The following AEBP1 variants were observed in gnomAD, a reference collection of about 807,000 sequenced individuals.
The protein encoded by AEBP1 is adipocyte enhancer-binding protein 1.
In AEBP1, 69 loss-of-function variants were observed where a neutral mutation model predicts 116.5. That is an observed-to-expected ratio of 0.59 (90% confidence interval 0.49 to 0.72). The LOEUF (loss-of-function observed/expected upper bound fraction) is 0.72, where lower values mean the gene tolerates loss of function less well. AEBP1 is among the 30% of genes least tolerant of loss of function. The pLI, the probability that AEBP1 is intolerant of heterozygous loss-of-function variation, is 0.00. For synonymous variants in AEBP1, 627 were observed against 627.3 expected, an observed-to-expected ratio of 1.00 and a Z score of 0.01; for missense variants, 1,444 against 1,557.5, an observed-to-expected ratio of 0.93 and a Z score of 1.23.
Position 44,107,351 on chromosome 7 carries a change from G to A in AEBP1, c.596-88G>A, listed in dbSNP as rs2096223979. On this transcript the variant is annotated intron_variant, in intron 2 of 20. Transcript: ENST00000223357. This position sits in a 1 kb window ranked among gnomAD's most constrained non-coding sequence, Gnocchi z 4.3. ...GGAGGGTGTCCACAGGCTCTGTGTG[G>A]GCTCTATGGGTGGCTGGTGGCCTGA... The A allele has an allele frequency of 2.3e-6, 3 of 1,332,806 alleles. No individual in the cohort carries two copies. The African/African-American group carries it at 4.3e-5, about 19-fold the overall frequency. 82.6% of individuals were successfully genotyped at this position (1,332,806 alleles called of 1,614,324 possible). A position where few individuals can be genotyped will look rare whatever the true frequency, so the allele number is the denominator to read the frequency against.
chr7:44,112,565 C>G lies in AEBP1; in HGVS notation c.2225C>G (p.Thr742Arg). 2 of 1,583,250 alleles carry G rather than the reference C, an allele frequency of 1.3e-6. No homozygotes were observed. The highest frequency in any genetic ancestry group is 1.7e-6 in the Non-Finnish European group (2 of 1,160,364). ...RYLSPDATVS[T>R]EVRAIIAWME... is the part of the protein sequence containing the mutation. ...ACGTGCTGGCCACTCCAGGTATCCA[C>G]GGAGGTCCGGGCCATCATTGCCTGG... is the stretch of plus-strand genomic sequence containing the variant. Residue 742 changes from threonine (T) to arginine (R), a missense_variant, in exon 18 of 21, where the codon ACG (threonine) becomes AGG (arginine). Physicochemically the swap from Thr to Arg is moderately conservative, Grantham distance 71. Transcript: ENST00000223357. The surrounding 1 kb of genome is among the most constrained non-coding windows in gnomAD (Gnocchi z 6.6).
rs1256560995 is a variant in AEBP1 at position 44,113,933 on chromosome 7, C to T, written c.3149C>T (p.Pro1050Leu). The change falls in exon 21 of 21, where the codon CCT becomes CTT. Residue 1050 changes from proline to leucine, a missense_variant. By Grantham distance (98) the Pro-to-Leu change is moderately conservative. Transcript: ENST00000223357. This position sits in a 1 kb window ranked among gnomAD's most constrained non-coding sequence, Gnocchi z 5.3. ...ATTTLGPHTV[P>L]PTLPPAPATT... ...ACCACCCTAGGCCCCCACACTGTGC[C>T]TCCCACGCTGCCCCCTGCCCCTGCC... The T allele has an allele frequency of 1.9e-6, 3 of 1,613,656 alleles. No individual in the cohort carries two copies. In the South Asian group the frequency reaches 3.3e-5, roughly 18 times the overall value.
Position 44,104,640 on chromosome 7 carries a change from C to T in AEBP1, c.-26C>T, listed in dbSNP as rs1241517625. The T allele has an allele frequency of 2.1e-6, 3 of 1,424,592 alleles. No homozygotes were observed. Among genetic ancestry groups the T allele is most frequent in the Non-Finnish European group, 1.8e-6 (2 of 1,096,138 alleles). The allele number at this position is 1,424,592 out of a possible 1,614,324, so 88.2% of individuals were successfully genotyped here. On this transcript the variant is annotated 5_prime_UTR_variant, in exon 1 of 21. Coordinates refer to ENST00000223357, the MANE Select transcript of AEBP1 (RefSeq NM_001129.5). ...AGCCCCTGACCCCCCGCGCCCTCCC[C>T]GGAGCCCCCCGCGCGTGCCGCGGCC...
chr7:44,104,850 C>T lies in AEBP1; in HGVS notation c.185C>T (p.Pro62Leu). ...GTGGAGGCCCCGCCGCCTCCCGAGC[C>T]CACCCCGCGGGTCCGAAAAGCCCAG... Reference protein sequence around the residue: ...DDVEAPPPPEPTPRVRKAQAG... With the variant: ...DDVEAPPPPELTPRVRKAQAG... The change falls in exon 1 of 21, where the codon CCC becomes CTC. Residue 62 changes from proline (P) to leucine (L), a missense_variant. By Grantham distance (98) the Pro-to-Leu change is moderately conservative. Coordinates refer to ENST00000223357, the MANE Select transcript of AEBP1 (RefSeq NM_001129.5). The T allele has an allele frequency of 6.3e-7, 1 of 1,579,592 alleles. No individual in the cohort carries two copies. The highest frequency in any genetic ancestry group is 8.6e-7 in the Non-Finnish European group (1 of 1,163,694).
intron 2 of AEBP1, 38 bp downstream of exon 2, chr7:44,106,925 C>A: frequency 6.9e-7 from 1 of 1,454,572 alleles, no homozygotes; most frequent in South Asian, 1.4e-5. Context: ...GGGGCTCTGA[C>A]TGCCTGCTCG....
intron 9 of AEBP1, chr7:44,109,561 TC>T: frequency 1.7e-6 from 1 of 596,830 alleles, no homozygotes; most frequent in Non-Finnish European, 2.9e-6. Context: ...GGGTGGCAGC[TC>T]CCCAGGGCCC....
At chr7:44,110,642 T>TGGGGCTCGGAAGAGG (rs2096228329) in intron 11 of AEBP1, 83 bp from the exon 12 acceptor site, 1 of 1,289,086 alleles carries the variant, frequency 7.8e-7, no homozygotes, top group African/African-American at 1.5e-5. Flanking sequence ...CTTAAATTCT[T>TGGGGCTCGGAAGAGG]GGGGCTCGGA....
In AEBP1 at chr7:44,111,323, C is replaced by G; in HGVS notation, c.1716+84C>G. The G allele has an allele frequency of 7.0e-7, 1 of 1,418,596 alleles. No individual in the cohort carries two copies. The highest frequency in any genetic ancestry group is 9.4e-7 in the Non-Finnish European group (1 of 1,067,724). 87.9% of individuals were successfully genotyped at this position (1,418,596 alleles called of 1,614,324 possible). On this transcript the variant is annotated intron_variant, in intron 14 of 20. Transcript: ENST00000223357. This position sits in a 1 kb window ranked among gnomAD's most constrained non-coding sequence, Gnocchi z 4.7. ...GTGCCTGGTGCTTCTGTCACTGGGC[C>G]CAGTCCCTACTGGTTCCAGGGATGC...
In AEBP1 at chr7:44,108,894, C is replaced by T. The variant is rs1399249958; in HGVS notation, c.941-5C>T. On this transcript the variant is annotated splice_region_variant and splice_polypyrimidine_tract_variant and intron_variant, in intron 6 of 20. Transcript: ENST00000223357. The surrounding 1 kb of genome is among the most constrained non-coding windows in gnomAD (Gnocchi z 5.0). ...GCAGCCTCAGCTGGCTCTCCCTCCC[C>T]ATAGTGGACTATTACTTTGGGCCTC... is the stretch of plus-strand genomic sequence containing the variant. 5.7e-6 allele frequency: 9 copies of T among 1,572,328 alleles called. No individual in the cohort carries two copies. In the African/African-American group the frequency reaches 1.2e-4, roughly 21 times the overall value.
chr7:44,111,072 C>A lies in AEBP1; in HGVS notation c.1630+15C>A. On this transcript the variant is annotated intron_variant, in intron 13 of 20. Transcript: ENST00000223357. The surrounding 1 kb of genome is among the most constrained non-coding windows in gnomAD (Gnocchi z 4.7). ...CTCTGTGGCCCGTGAGTGTGGAGGG[C>A]TGGCAGGGGCTCTGAGTGGAGGTGG... The A allele has an allele frequency of 6.2e-7, 1 of 1,602,142 alleles. No individual in the cohort carries two copies. The highest frequency in any genetic ancestry group is 1.1e-5 in the South Asian group (1 of 89,424).
rs908895547 is a variant in AEBP1, at chr7:44,104,556, C to A, written c.-110C>A. 31 of 690,906 alleles carry A rather than the reference C, an allele frequency of 4.5e-5. No individual in the cohort carries two copies. The highest frequency in any genetic ancestry group is 6.0e-5 in the Non-Finnish European group (27 of 452,770). 42.8% of individuals were successfully genotyped at this position (690,906 alleles called of 1,614,324 possible). Reference sequence around the variant, plus strand: ...TCGCTCACCCCATCCTCTCTCCCGCCCCTTCCTGGATTCCCTCACCCGTCT... The same window carrying A: ...TCGCTCACCCCATCCTCTCTCCCGCACCTTCCTGGATTCCCTCACCCGTCT... On this transcript the variant is annotated 5_prime_UTR_variant, in exon 1 of 21. Coordinates refer to ENST00000223357, the MANE Select transcript of AEBP1 (RefSeq NM_001129.5).
At chr7:44,110,584 T>C (rs919174590) in intron 11 of AEBP1, 141 bp from the exon 12 acceptor site, 16 of 982,692 alleles carry the variant, frequency 1.6e-5, no homozygotes, top group Non-Finnish European at 2.4e-5. Flanking sequence ...GTGACGGGCA[T>C]AGGACCCAGG....
rs775745840 is a variant in AEBP1 at position 44,110,105 on chromosome 7, G to A, written c.1241G>A (p.Arg414His). The change falls in exon 10 of 21, where the codon CGC (arginine) becomes CAC (histidine). Residue 414 changes from arginine (R) to histidine (H), a missense_variant. Physicochemically the swap from Arg to His is conservative, Grantham distance 29. Transcript: ENST00000223357. ...CTGCGCCACGGCCTGGGGGCACAGC[G>A]CGGCCGGCTCAACATGCAGGTGGGC... ...SMLRHGLGAQ[R>H]GRLNMQTGAT... 5 of 1,612,990 alleles carry A rather than the reference G, an allele frequency of 3.1e-6. No individual in the cohort carries two copies. The highest frequency in any genetic ancestry group is 4.2e-6 in the Non-Finnish European group (5 of 1,180,006).
Position 44,111,400 on chromosome 7 carries a change from G to T in AEBP1, c.1717-107G>T. 6.9e-7 allele frequency: 1 copy of T among 1,448,070 alleles called. No homozygotes were observed. The highest frequency in any genetic ancestry group is 1.5e-5 in the South Asian group (1 of 67,860). 89.7% of individuals were successfully genotyped at this position (1,448,070 alleles called of 1,614,324 possible). The stretch of plus-strand genomic sequence containing the variant: ...GCCAGTACCTGGGGGCTGCGTGAAG[G>T]GGTCATGCCCGTCCCTCGCCATAGA... On this transcript the variant is annotated intron_variant, in intron 14 of 20. Coordinates refer to ENST00000223357, the MANE Select transcript of AEBP1 (RefSeq NM_001129.5). The surrounding 1 kb of genome is among the most constrained non-coding windows in gnomAD (Gnocchi z 4.7).
Position 44,113,075 on chromosome 7 carries a change from A to G in AEBP1, c.2654A>G (p.Glu885Gly). 3 of 1,614,026 alleles carry G rather than the reference A, an allele frequency of 1.9e-6. No homozygotes were observed. The highest frequency in any genetic ancestry group is 2.5e-6 in the Non-Finnish European group (3 of 1,180,002). ...TGTGACAAGTTCCCTCATGAGAGTG[A>G]GCTGCCCCGCGAGTGGGAGAACAAC... The part of the protein sequence containing the change: ...LGCDKFPHES[E>G]LPREWENNKE... The change falls in exon 19 of 21, where the codon GAG (glutamate) becomes GGG (glycine). Residue 885 changes from glutamate to glycine, a missense_variant. Transcript: ENST00000223357. The surrounding 1 kb of genome is among the most constrained non-coding windows in gnomAD (Gnocchi z 5.3).
At position 44,111,633 on chromosome 7, in the gene AEBP1, G is replaced by T; in HGVS notation, c.1840+3G>T. 1 of 1,612,356 alleles carries T rather than the reference G, an allele frequency of 6.2e-7. No individual in the cohort carries two copies. The highest frequency in any genetic ancestry group is 1.1e-5 in the South Asian group (1 of 91,034). On this transcript the variant is annotated splice_donor_region_variant and intron_variant, in intron 15 of 20. Transcript: ENST00000223357. This position sits in a 1 kb window ranked among gnomAD's most constrained non-coding sequence, Gnocchi z 4.7. ...CAACCCTGGGGAGCATGAACTGGGT[G>T]AGGGTCTGTGGGGGCCAGCAGCTGG... is the stretch of plus-strand genomic sequence containing the variant.
In AEBP1 at chr7:44,106,815, C is replaced by G; in HGVS notation, c.523C>G (p.Pro175Ala). ...AGGGAAGAGGCCCCCCATTCTGGCT[C>G]CCTCAGAAACCCTGGAGTGGCCACT... is the stretch of plus-strand genomic sequence containing the variant. ...PSGKRPPILA[P>A]SETLEWPLPP... The change falls in exon 2 of 21, where the codon CCC becomes GCC. Residue 175 changes from proline to alanine, a missense_variant. By Grantham distance (27) the Pro-to-Ala change is conservative (BLOSUM62 -1). Coordinates refer to ENST00000223357, the MANE Select transcript of AEBP1 (RefSeq NM_001129.5). 4 of 1,610,014 alleles carry G rather than the reference C, an allele frequency of 2.5e-6. No homozygotes were observed. The highest frequency in any genetic ancestry group is 3.4e-6 in the Non-Finnish European group (4 of 1,178,658).
At position 44,113,783 on chromosome 7, in the gene AEBP1, G is replaced by A; in HGVS notation, c.2999G>A (p.Arg1000Gln). ...IREIMAMNGN[R>Q]PIPHIDPSRP... ...GAGATCATGGCCATGAACGGGAACC[G>A]GCCTATCCCACACATAGACCCATCG... The change falls in exon 21 of 21, where the codon CGG becomes CAG. Residue 1000 changes from arginine (R) to glutamine (Q), a missense_variant. By Grantham distance (43) the Arg-to-Gln change is conservative (BLOSUM62 1). Transcript: ENST00000223357. This position sits in a 1 kb window ranked among gnomAD's most constrained non-coding sequence, Gnocchi z 5.3. The A allele has an allele frequency of 6.2e-7, 1 of 1,614,054 alleles. No individual in the cohort carries two copies. Among genetic ancestry groups the A allele is most frequent in the Admixed American group, 1.7e-5 (1 of 60,020 alleles).
At position 44,107,988 on chromosome 7, in the gene AEBP1, A is replaced by G. The variant is rs766893942; in HGVS notation, c.863-19A>G. 4.6e-5 allele frequency: 73 copies of G among 1,572,260 alleles called. No individual in the cohort carries two copies. In the Admixed American group the frequency reaches 1.3e-3, roughly 29 times the overall value. ...GGCCACGGCGCTCTGGCCCCCTCCTAACCTCCCCGCCTCCCCAGAGCCTCC... is the reference window on the plus strand; with the variant it reads ...GGCCACGGCGCTCTGGCCCCCTCCTGACCTCCCCGCCTCCCCAGAGCCTCC... On this transcript the variant is annotated intron_variant, in intron 5 of 20. Transcript: ENST00000223357. This position sits in a 1 kb window ranked among gnomAD's most constrained non-coding sequence, Gnocchi z 4.3.
Sources: allele counts gnomAD v4.1 joint callset, GRCh38; gene constraint gnomAD v4.1.1; non-coding constraint Gnocchi (gnomAD v3.1); transcripts MANE v1.5; gene names NCBI Gene and HGNC (gene_info 2026-07-23, HGNC 2026-07-21).